Variants in PRKD1 observed in about 807,000 individuals in gnomAD.
The protein encoded by PRKD1 is protein kinase D1.
In PRKD1, 63 loss-of-function variants were observed where a neutral mutation model predicts 95.9. That is an observed-to-expected ratio of 0.66 (90% CI 0.54 to 0.81). The LOEUF is 0.81. Ranked by LOEUF, PRKD1 falls within the 30% of genes least tolerant of loss-of-function variation. The pLI is 0.00. For synonymous variants in PRKD1, 425 were observed against 423.1 expected (o/e 1.00, Z -0.05); for missense variants, 1,048 against 1,165.3 (o/e 0.90, Z 1.47).
intron 13 of PRKD1, among the ~76,000 whole-genome samples, chr14:29,620,019 G>A (rs56106941): frequency 0.22 from 33,975 of 151,502 alleles, 3,822 homozygotes; most frequent in South Asian, 0.26. Flanking sequence ...AAATGACGCC[G>A]CATATCTACA....
intron 2 of PRKD1, among the ~76,000 whole-genome samples, chr14:29,714,514 T>C (rs1393612277): frequency 6.6e-6 from 1 of 152,016 alleles, no homozygotes; most frequent in East Asian, 1.9e-4. Flanking sequence ...TTGATGGGAG[T>C]GTAAATTAGT....
intron 2 of PRKD1, among the ~76,000 whole-genome samples, chr14:29,701,718 T>C (rs1594441822): frequency 6.6e-6 from 1 of 152,222 alleles, no homozygotes; most frequent in Non-Finnish European, 1.5e-5. Context: ...CTTCCAGCAA[T>C]TGAACTTTTT....
intron 1 of PRKD1, among the ~76,000 whole-genome samples, chr14:29,897,771 C>T (rs1894185402): frequency 6.6e-6 from 1 of 152,096 alleles, no homozygotes; most frequent in South Asian, 2.1e-4. Context: ...TGCTTCCATA[C>T]AATCTCATAG....
Position 29,640,495 on chromosome 14 carries a change from A to G in PRKD1, c.697-1591T>C, listed in dbSNP as rs901258275. On this transcript the variant is annotated intron_variant, in intron 4 of 17. Coordinates refer to ENST00000331968, the MANE Select transcript of PRKD1 (RefSeq NM_002742.3). ...TACATTCACAATTACAATTCCATAA[A>G]GAAAAACTGTAAAGCATAATTATTC... Among the ~76,000 whole-genome samples the G allele has an allele frequency of 4.6e-5, 7 of 152,244 alleles. No individual in the cohort carries two copies. The East Asian group carries it at 9.6e-4, about 21-fold the overall frequency.
At chr14:29,896,648 C>A (rs1265211938) in intron 1 of PRKD1, among the ~76,000 whole-genome samples, 1 of 151,170 alleles carries the variant, frequency 6.6e-6, no homozygotes, top group Non-Finnish European at 1.5e-5. Flanking sequence ...GATGGCCAGG[C>A]CTTATTTACA....
At chr14:29,844,690 G>A (rs944639217) in intron 1 of PRKD1, among the ~76,000 whole-genome samples, 1 of 152,100 alleles carries the variant, frequency 6.6e-6, no homozygotes, top group Non-Finnish European at 1.5e-5. Context: ...ACAGATGATC[G>A]ATAACCTGCA....
At position 29,591,506 on chromosome 14, in the gene PRKD1, T is replaced by G. The variant is rs565345767; in HGVS notation, c.2434+5985A>C. Among the ~76,000 whole-genome samples, 3 of 152,228 alleles carry G rather than the reference T, an allele frequency of 2.0e-5. No individual in the cohort carries two copies. The East Asian group carries it at 5.8e-4, about 29-fold the overall frequency. On this transcript the variant is annotated intron_variant, in intron 16 of 17. Transcript: ENST00000331968. Reference sequence around the variant, plus strand: ...CATGGACCATGGACTTCTTATGTTCTCAGTGCAAAACGGCAGTTTAAGGGG... The same window carrying G: ...CATGGACCATGGACTTCTTATGTTCGCAGTGCAAAACGGCAGTTTAAGGGG...
chr14:29,656,421 G>C, intron 4 of PRKD1: 1 of 1,455,788 alleles, frequency 6.9e-7, no homozygotes, highest in Non-Finnish European at 9.3e-7. Context: ...GTAATATGCT[G>C]GTTTGAAAAA....
intron 1 of PRKD1, among the ~76,000 whole-genome samples, chr14:29,833,406 T>C (rs555912714): frequency 2.1e-4 from 32 of 152,106 alleles, no homozygotes; most frequent in Non-Finnish European, 3.7e-4. Flanking sequence ...TACAGTCTAT[T>C]CTTAAAAGAC....
chr14:29,683,255 G>A (rs139356719), intron 2 of PRKD1, among the ~76,000 whole-genome samples: 17 of 152,282 alleles, frequency 1.1e-4, no homozygotes, highest in African/African-American at 3.8e-4. Flanking sequence ...TAGACTTGAC[G>A]ATTAATATGG....
At chr14:29,838,955 CA>C (rs1891720682) in intron 1 of PRKD1, among the ~76,000 whole-genome samples, 1 of 152,016 alleles carries the variant, frequency 6.6e-6, no homozygotes. Flanking sequence ...ATGATGCAAT[CA>C]CTGATGCTTT....
intron 1 of PRKD1, among the ~76,000 whole-genome samples, chr14:29,814,167 G>T (rs1259173483): frequency 2.6e-5 from 4 of 152,098 alleles, no homozygotes; most frequent in African/African-American, 9.7e-5. Flanking sequence ...AAATATCAAG[G>T]TATTAGAGAA....
chr14:29,875,342 A>G (rs1893249175), intron 1 of PRKD1, among the ~76,000 whole-genome samples: 1 of 152,198 alleles, frequency 6.6e-6, no homozygotes, highest in African/African-American at 2.4e-5. Flanking sequence ...ATGTTAATAA[A>G]AAAGAAGTAA....
At chr14:29,700,988 G>GCGCGCGCGCA (rs140824053) in intron 2 of PRKD1, among the ~76,000 whole-genome samples, 3,736 of 90,260 alleles carry the variant, frequency 0.041, 49 homozygotes, top group African/African-American at 0.059. Flanking sequence ...GCGCGCGCGC[G>GCGCGCGCGCA]CACACACACA....
At chr14:29,754,988 A>G (rs1402804741) in intron 1 of PRKD1, among the ~76,000 whole-genome samples, 1 of 152,136 alleles carries the variant, frequency 6.6e-6, no homozygotes, top group South Asian at 2.1e-4. Flanking sequence ...TATTTCACAC[A>G]GACACCTTAT....
intron 10 of PRKD1, 142 bp from the exon 11 acceptor site, chr14:29,629,235 C>T (rs1476648645): frequency 1.6e-6 from 1 of 622,212 alleles, no homozygotes. Flanking sequence ...AAGAAAATGT[C>T]ATTAGAATAT....
intron 6 of PRKD1, 101 bp from the exon 7 acceptor site, chr14:29,636,595 A>G (rs1880396522): frequency 6.0e-6 from 7 of 1,163,490 alleles, no homozygotes; most frequent in Non-Finnish European, 6.2e-6. Context: ...GGAAGCCCCA[A>G]AGAGGTAGTT....
chr14:29,747,555 C>T (rs529587466), intron 1 of PRKD1, among the ~76,000 whole-genome samples: 3 of 151,918 alleles, frequency 2.0e-5, no homozygotes, highest in Non-Finnish European at 4.4e-5. Context: ...CCCAAATGTC[C>T]ATCAGAAAAT....
At chr14:29,834,718 T>C (rs922416783) in intron 1 of PRKD1, among the ~76,000 whole-genome samples, 2 of 152,184 alleles carry the variant, frequency 1.3e-5, no homozygotes, top group African/African-American at 4.8e-5. Context: ...GGGGCAATTC[T>C]TACCTGTTAG....
Sources: allele counts gnomAD v4.1 joint callset (sites outside exome capture counted in the v4.1 genomes callset), GRCh38; gene constraint gnomAD v4.1.1; transcripts MANE v1.5; gene names NCBI Gene and HGNC (gene_info 2026-07-23, HGNC 2026-07-21).